GYG2: variants seen among roughly 807,000 people sequenced by gnomAD.
GYG2 encodes glycogenin-2.
Under a neutral mutation model 29.4 loss-of-function variants are expected in GYG2, and 29 were observed. The observed-to-expected ratio is 0.99, with a 90% CI of 0.74 to 1.35. GYG2 has a LOEUF of 1.35. Ranked by LOEUF, GYG2 falls within the 40% of genes most tolerant of loss-of-function variation. GYG2 has a pLI of 0.00. For synonymous variants in GYG2, 167 were observed against 172.3 expected (o/e 0.97, Z 0.24); for missense variants, 370 against 385.7 (o/e 0.96, Z 0.34).
At chrX:2,831,531 G>A (rs759747599) in intron 2 of GYG2, among the ~76,000 whole-genome samples, 12 of 111,910 alleles carry the variant, frequency 1.1e-4, no homozygotes, top group African/African-American at 3.6e-4. Flanking sequence ...AGGTGTACTG[G>A]AAGAGTCTGT....
rs2087952065 is a variant in GYG2 at position 2,855,072 on chromosome X, A to G, written c.404A>G (p.Asn135Ser). The G allele has an allele frequency of 1.7e-6, 2 of 1,209,565 alleles. No homozygotes were observed. The highest frequency in any genetic ancestry group is 1.8e-5 in the South Asian group (1 of 56,803). The change falls in exon 5 of 11, where the codon AAT (asparagine) becomes AGT (serine). Residue 135 changes from asparagine (N) to serine (S), a missense_variant. Physicochemically the swap from Asn to Ser is conservative, Grantham distance 46. Coordinates refer to ENST00000398806, the MANE Select transcript of GYG2 (RefSeq NM_001079855.2). ...GACCCCGGATGGCCGGATTGCTTCA[A>G]TAGCGGGGTGTTTGTCTTCCAGCCT... ...APDPGWPDCF[N>S]SGVFVFQPSL...
chrX:2,836,933 C>T (rs777617841), intron 2 of GYG2, among the ~76,000 whole-genome samples: 1 of 111,528 alleles, frequency 9.0e-6, no homozygotes, highest in South Asian at 3.9e-4. Context: ...TATCACTGCG[C>T]TCCAGCCTGA....
intron 2 of GYG2, among the ~76,000 whole-genome samples, chrX:2,834,042 C>T (rs1294506485): frequency 8.9e-6 from 1 of 112,197 alleles, no homozygotes; most frequent in East Asian, 2.8e-4. Flanking sequence ...GCCCTCTGAC[C>T]CCATCTCTTC....
At chrX:2,879,513 C>A (rs1441972668) in intron 10 of GYG2, among the ~76,000 whole-genome samples, 1 of 112,032 alleles carries the variant, frequency 8.9e-6, no homozygotes, top group Non-Finnish European at 1.9e-5. Context: ...AGTGATCCAC[C>A]TGCCTCGGCC....
intron 9 of GYG2, among the ~76,000 whole-genome samples, chrX:2,876,650 A>G (rs1241102135): frequency 9.0e-6 from 1 of 111,168 alleles, no homozygotes; most frequent in Non-Finnish European, 1.9e-5. Context: ...CAGTTTTTTT[A>G]AAAAAGTTAA....
chrX:2,856,315 A>G (rs1198692211), intron 5 of GYG2, among the ~76,000 whole-genome samples, 183 bp from the exon 6 acceptor site: 4 of 111,342 alleles, frequency 3.6e-5, no homozygotes, highest in African/African-American at 6.5e-5. Flanking sequence ...ATTTTTATCA[A>G]TGGCTTGGGT....
At chrX:2,843,997 A>G (rs1603458814) in intron 3 of GYG2, among the ~76,000 whole-genome samples, 1 of 112,209 alleles carries the variant, frequency 8.9e-6, no homozygotes, top group East Asian at 2.8e-4. Context: ...TAATTCTCAA[A>G]TAAAGCAAAT....
intron 2 of GYG2, among the ~76,000 whole-genome samples, chrX:2,832,194 C>T (rs1282334841): frequency 8.9e-6 from 1 of 112,573 alleles, no homozygotes; most frequent in Non-Finnish European, 1.9e-5. Context: ...ATGGGTTTTA[C>T]AGTGTCCTGG....
At chrX:2,859,599 G>A in intron 6 of GYG2, among the ~76,000 whole-genome samples, 1 of 110,792 alleles carries the variant, frequency 9.0e-6, no homozygotes, top group Non-Finnish European at 1.9e-5. Context: ...GTTGATAGTA[G>A]TAATCTTATT....
At chrX:2,841,210 AGATG>A (rs1482500789) in intron 2 of GYG2, among the ~76,000 whole-genome samples, 2 of 110,217 alleles carry the variant, frequency 1.8e-5, no homozygotes, top group African/African-American at 6.6e-5. Context: ...ATAGATGGAT[AGATG>A]GATGGATGGA....
chrX:2,843,783 C>T (rs976361410), intron 3 of GYG2, among the ~76,000 whole-genome samples: 9 of 111,086 alleles, frequency 8.1e-5, no homozygotes, highest in Non-Finnish European at 1.3e-4. Flanking sequence ...GTATGTGCCC[C>T]CATGCTCGGC....
At chrX:2,832,376 C>T (rs1160142594) in intron 2 of GYG2, among the ~76,000 whole-genome samples, 1 of 103,521 alleles carries the variant, frequency 9.7e-6, no homozygotes, top group Non-Finnish European at 2.0e-5. Context: ...AACAGGGTAT[C>T]CAGTAGTTCC....
chrX:2,861,593 A>G lies in GYG2; in HGVS notation c.909A>G (p.Ser303=). The change falls in exon 8 of 11, where the codon TCA becomes TCG. Residue 303 remains serine, a synonymous_variant. Coordinates refer to ENST00000398806, the MANE Select transcript of GYG2 (RefSeq NM_001079855.2). ...GTGTTGGAGAGCCGTGTGAAAATTC[A>G]ACACCCAGTGCGGGCGTGCCGTGTG... ...ASGVGEPCEN[S]TPSAGVPCAN... is the part of the protein sequence containing the mutation. 2 of 1,207,747 alleles carry G rather than the reference A, an allele frequency of 1.7e-6. No individual in the cohort carries two copies. The highest frequency in any genetic ancestry group is 2.2e-6 in the Non-Finnish European group (2 of 892,477).
intron 8 of GYG2, among the ~76,000 whole-genome samples, chrX:2,867,298 A>AG (rs1202006469): frequency 4.3e-4 from 6 of 14,049 alleles, no homozygotes; most frequent in Non-Finnish European, 2.7e-3. Context: ...CTTAGGCTTC[A>AG]AAACATCAAT....
At chrX:2,845,606 T>C (rs772704575) in intron 3 of GYG2, among the ~76,000 whole-genome samples, 10 of 105,445 alleles carry the variant, frequency 9.5e-5, no homozygotes, top group East Asian at 3.1e-4. Flanking sequence ...TATGTACATA[T>C]ATTTATATAC....
intron 8 of GYG2, among the ~76,000 whole-genome samples, chrX:2,868,558 C>T (rs757092072): frequency 6.4e-5 from 7 of 109,835 alleles, no homozygotes; most frequent in South Asian, 4.0e-4. Context: ...ATCCTAAGGT[C>T]GGTGAATACT....
intron 3 of GYG2, among the ~76,000 whole-genome samples, chrX:2,848,090 A>G (rs1332203517): frequency 8.9e-6 from 1 of 112,292 alleles, no homozygotes; most frequent in African/African-American, 3.3e-5. Context: ...TAAAGATAAA[A>G]CAAACTGAGG....
chrX:2,856,503 G>A lies in GYG2; in HGVS notation c.493G>A (p.Asp165Asn), dbSNP rs2087987182. The A allele has an allele frequency of 1.7e-6, 2 of 1,207,607 alleles. No homozygotes were observed. Among genetic ancestry groups the A allele is most frequent in the African/African-American group, 3.5e-5 (2 of 56,851 alleles). The change falls in exon 6 of 11, where the codon GAC (aspartate) becomes AAC (asparagine). Residue 165 changes from aspartate to asparagine, a missense_variant. By Grantham distance (23) the Asp-to-Asn change is conservative (BLOSUM62 1). Coordinates refer to ENST00000398806, the MANE Select transcript of GYG2 (RefSeq NM_001079855.2). Reference protein sequence around the residue: ...AMEHGSFDGADQGLLNSFFRN... With the variant: ...AMEHGSFDGANQGLLNSFFRN... ...TGTGTTTGCTCATTATGTAGGGGCA[G>A]ACCAAGGCTTACTGAATAGTTTCTT...
chrX:2,870,523 C>T (rs1201371442), intron 8 of GYG2, among the ~76,000 whole-genome samples: 1 of 111,513 alleles, frequency 9.0e-6, no homozygotes, highest in African/African-American at 3.3e-5. Context: ...TTAGTAGAAC[C>T]GTTGACTGTG....
Sources: allele counts gnomAD v4.1 joint callset (sites outside exome capture counted in the v4.1 genomes callset), GRCh38; gene constraint gnomAD v4.1.1; transcripts MANE v1.5; gene names NCBI Gene and HGNC (gene_info 2026-07-23, HGNC 2026-07-21).